VTI1A: variants seen among roughly 807,000 people sequenced by gnomAD.
VTI1A encodes the protein vesicle transport through interaction with t-SNAREs homolog 1A.
VTI1A carries 22 observed loss-of-function variants against 34.9 expected under a neutral mutation model. The ratio of observed to expected loss-of-function variants is 0.63; its 90% CI spans 0.45 to 0.90. The LOEUF (loss-of-function observed/expected upper bound fraction) is 0.90. Among genes scored for constraint, VTI1A ranks in the 40% least tolerant of loss-of-function variants. The probability of loss-of-function intolerance (pLI) is 0.00; values close to 1 mark genes in which losing one functional copy is unlikely to be tolerated. For synonymous variants in VTI1A, 87 were observed against 97.3 expected, an observed-to-expected ratio of 0.89 and a Z score of 0.62; for missense variants, 268 against 275.6, an observed-to-expected ratio of 0.97 and a Z score of 0.20.
rs184274503 is a variant in VTI1A, at chr10:112,656,504, C to T, written c.428-11714C>T. Among the ~76,000 whole-genome samples the T allele has an allele frequency of 1.0e-3, 147 of 146,074 alleles. 2 individuals are homozygous for T. In the East Asian group the frequency reaches 0.024, roughly 23 times the overall value. On this transcript the variant is annotated intron_variant, in intron 5 of 7. Transcript: ENST00000393077. ...TTCTGAGTAACTGGGAATACAGGAG[C>T]ATACCACACCCAGATAATTTTTTTT...
intron 3 of VTI1A, among the ~76,000 whole-genome samples, chr10:112,513,491 A>G (rs530711328): frequency 1.3e-5 from 2 of 152,068 alleles, no homozygotes; most frequent in South Asian, 4.1e-4. Context: ...AATAGAGATA[A>G]GTTTACTTCT....
intron 4 of VTI1A, among the ~76,000 whole-genome samples, chr10:112,528,856 A>G (rs893421606): frequency 2.0e-5 from 3 of 152,136 alleles, no homozygotes; most frequent in Non-Finnish European, 4.4e-5. Flanking sequence ...TTGTAGTTCT[A>G]TGATAGGGAT....
intron 7 of VTI1A, among the ~76,000 whole-genome samples, chr10:112,725,540 A>G (rs1849990862): frequency 6.6e-6 from 1 of 152,204 alleles, no homozygotes; most frequent in Non-Finnish European, 1.5e-5. Context: ...TGTTAACATA[A>G]TAGTTTTAGC....
At chr10:112,809,982 T>TA (rs1263188782) in intron 7 of VTI1A, among the ~76,000 whole-genome samples, 10 of 152,194 alleles carry the variant, frequency 6.6e-5, no homozygotes, top group Admixed American at 2.0e-4. Context: ...TGACTCAACC[T>TA]AAAAATGCTT....
chr10:112,465,756 C>T (rs556288323), intron 3 of VTI1A, among the ~76,000 whole-genome samples: 172 of 152,154 alleles, frequency 1.1e-3, no homozygotes, highest in African/African-American at 3.7e-3. Context: ...TCAGTTTTGC[C>T]AGACTGAAAC....
intron 5 of VTI1A, among the ~76,000 whole-genome samples, chr10:112,613,131 G>A (rs1564848702): frequency 1.3e-5 from 2 of 152,062 alleles, no homozygotes; most frequent in Admixed American, 1.3e-4. Context: ...CATTTTGGAA[G>A]ACTTTGCCGA....
downstream of VTI1A, among the ~76,000 whole-genome samples, chr10:112,819,586 T>A (rs1414077860): frequency 6.6e-6 from 1 of 152,144 alleles, no homozygotes; most frequent in East Asian, 1.9e-4. Context: ...TGGAGCTCAT[T>A]ACAAACAGCG....
intron 5 of VTI1A, among the ~76,000 whole-genome samples, chr10:112,542,678 T>C (rs1404328234): frequency 6.6e-6 from 1 of 152,234 alleles, no homozygotes; most frequent in Non-Finnish European, 1.5e-5. Context: ...TTCCATACTT[T>C]ATATTCATTC....
intron 7 of VTI1A, among the ~76,000 whole-genome samples, chr10:112,790,669 G>A (rs1011925120): frequency 1.3e-5 from 2 of 152,052 alleles, no homozygotes; most frequent in African/African-American, 4.8e-5. Flanking sequence ...GGGTGAGGTG[G>A]GGTTGTTCTT....
chr10:112,564,249 G>A (rs1294277714), intron 5 of VTI1A, among the ~76,000 whole-genome samples: 3 of 151,922 alleles, frequency 2.0e-5, no homozygotes, highest in Non-Finnish European at 1.5e-5. Flanking sequence ...AAACATCGGA[G>A]TGGCTTTTGT....
chr10:112,496,080 A>G lies in VTI1A; in HGVS notation c.265-31007A>G, dbSNP rs531552825. 4.0e-5 allele frequency among the ~76,000 whole-genome samples: 6 copies of G among 149,058 alleles called. No homozygotes were observed. In the East Asian group the frequency reaches 1.2e-3, roughly 30 times the overall value. ...AATCCCTTTAAAGCCTGACTTGGCC[A>G]GGTGCGATGGCTCACGCCTGTAATC... is the stretch of plus-strand genomic sequence containing the variant. On this transcript the variant is annotated intron_variant, in intron 3 of 7. Transcript: ENST00000393077.
At chr10:112,788,453 A>G (rs1006990772) in intron 7 of VTI1A, among the ~76,000 whole-genome samples, 1 of 152,214 alleles carries the variant, frequency 6.6e-6, no homozygotes, top group Non-Finnish European at 1.5e-5. Context: ...ATATTAATAT[A>G]GACACTCTAG....
intron 5 of VTI1A, among the ~76,000 whole-genome samples, chr10:112,576,302 G>A (rs1465605807): frequency 6.6e-6 from 1 of 150,994 alleles, no homozygotes; most frequent in East Asian, 1.9e-4. Flanking sequence ...TTACAGGCGT[G>A]AGCCACCGCG....
the VTI1A span, among the ~76,000 whole-genome samples, chr10:112,830,849 A>ATATTTTT: frequency 1.5e-4 from 5 of 33,490 alleles, no homozygotes; most frequent in South Asian, 1.6e-3. Context: ...ATATATATAT[A>ATATTTTT]TTTTTTTTTT....
intron 3 of VTI1A, among the ~76,000 whole-genome samples, chr10:112,513,243 A>G (rs1221790619): frequency 6.6e-6 from 1 of 151,962 alleles, no homozygotes; most frequent in Non-Finnish European, 1.5e-5. Context: ...TCAGTATACA[A>G]GTTTTTTACT....
downstream of VTI1A, among the ~76,000 whole-genome samples, chr10:112,822,303 G>A (rs1016366714): frequency 2.0e-5 from 3 of 152,224 alleles, no homozygotes; most frequent in Admixed American, 6.5e-5. Context: ...GCTGCATGCA[G>A]GCAAACATGG....
In VTI1A at chr10:112,593,933, G is replaced by A. The variant is rs541861189; in HGVS notation, c.427+55603G>A. On this transcript the variant is annotated intron_variant, in intron 5 of 7. Coordinates refer to ENST00000393077, the MANE Select transcript of VTI1A (RefSeq NM_145206.4). ...TTTTTTATTATTATTATTTTGAGAC[G>A]GAGTCTCGCTCTGTCACCCAGGCTG... Among the ~76,000 whole-genome samples, 450 of 150,468 alleles carry A rather than the reference G, an allele frequency of 3.0e-3. 1 individual carries two copies. The highest frequency in any genetic ancestry group is 0.014 in the Middle Eastern group (4 of 292).
At chr10:112,688,806 A>C (rs549748144) in intron 7 of VTI1A, among the ~76,000 whole-genome samples, 17 of 152,044 alleles carry the variant, frequency 1.1e-4, no homozygotes, top group African/African-American at 2.4e-4. Flanking sequence ...CCCAAAGTGC[A>C]GGAATTACAG....
chr10:112,658,376 C>T (rs1432814543), intron 5 of VTI1A, among the ~76,000 whole-genome samples: 2 of 152,126 alleles, frequency 1.3e-5, no homozygotes, highest in African/African-American at 4.8e-5. Flanking sequence ...CATGAGCTAC[C>T]ACACCCAGCT....
Sources: allele counts gnomAD v4.1 joint callset (sites outside exome capture counted in the v4.1 genomes callset), GRCh38; gene constraint gnomAD v4.1.1; transcripts MANE v1.5; gene names NCBI Gene and HGNC (gene_info 2026-07-23, HGNC 2026-07-21).